The following KCTD20 variants were observed in gnomAD, a reference collection of about 807,000 sequenced individuals.
KCTD20 encodes the protein potassium channel tetramerization domain containing 20.
In KCTD20, 30 loss-of-function variants were observed where a neutral mutation model predicts 39.6. The ratio of observed to expected loss-of-function variants is 0.76; its 90% CI spans 0.57 to 1.03. KCTD20 has a LOEUF of 1.03. Ranked by LOEUF, KCTD20 falls within the 50% of genes least tolerant of loss-of-function variation. The probability of loss-of-function intolerance (pLI) is 0.00; values close to 1 mark genes in which losing one functional copy is unlikely to be tolerated. For synonymous variants in KCTD20, 162 were observed against 180.6 expected (o/e 0.90, Z 0.83); for missense variants, 422 against 522.0 (o/e 0.81, Z 1.87).
rs766971663 is a variant in KCTD20 at position 36,479,215 on chromosome 6, A to G, written c.529A>G (p.Thr177Ala). 1.4e-5 allele frequency: 22 copies of G among 1,611,838 alleles called. No homozygotes were observed. The highest frequency in any genetic ancestry group is 1.7e-5 in the Non-Finnish European group (20 of 1,178,102). The stretch of plus-strand genomic sequence containing the variant: ...AGGCATCAGTGCAACTGTATTTCGC[A>G]CAGTGCTGGTGTGTGGTAGCCTTTT... ...AEGISATVFRTVLDYYKTGII... is the reference protein window; with the variant it reads ...AEGISATVFRAVLDYYKTGII... The change falls in exon 4 of 8, where the codon ACA becomes GCA. Residue 177 changes from threonine (T) to alanine (A), a missense_variant. Transcript: ENST00000373731.
intron 3 of KCTD20, among the ~76,000 whole-genome samples, chr6:36,477,901 C>G (rs1582360781): frequency 6.6e-6 from 1 of 150,568 alleles, no homozygotes; most frequent in Admixed American, 6.6e-5. Context: ...GTCAGGAGAT[C>G]GAGACCACGA....
Position 36,487,786 on chromosome 6 carries a change from C to CGG in KCTD20, c.*611_*612insGG, listed in dbSNP as rs1776471546. On this transcript the variant is annotated 3_prime_UTR_variant, in exon 8 of 8. Coordinates refer to ENST00000373731, the MANE Select transcript of KCTD20 (RefSeq NM_173562.5). ...TGTCTCATTAATGCAGTGAACAATT[C>CGG]AAAACCACACAGATTCCTTGGCAGG... 1 of 152,188 alleles carries CGG rather than the reference C, an allele frequency of 6.6e-6. No homozygotes were observed. The highest frequency in any genetic ancestry group is 2.4e-5 in the African/African-American group (1 of 41,420). The allele number at this position is 152,188 out of a possible 1,614,324, so 9.4% of individuals were successfully genotyped here.
At chr6:36,443,761 G>A (rs1040188941) in intron 1 of KCTD20, 3 of 152,180 alleles carry the variant, frequency 2.0e-5, no homozygotes, top group African/African-American at 7.2e-5. Context: ...TGCACTATGA[G>A]AAAACTCTTC....
intron 1 of KCTD20, among the ~76,000 whole-genome samples, chr6:36,460,259 T>C (rs1350415122): frequency 6.6e-6 from 1 of 152,166 alleles, no homozygotes; most frequent in Non-Finnish European, 1.5e-5. Flanking sequence ...TAGAATTCCA[T>C]CTAACCAGTA....
At chr6:36,483,118 CAAA>C (rs767686820) in intron 6 of KCTD20, among the ~76,000 whole-genome samples, 7,905 of 108,212 alleles carry the variant, frequency 0.073, 324 homozygotes, top group South Asian at 0.18. Context: ...GACTCCGTTT[CAAA>C]AAAAAAAAAA....
chr6:36,454,408 C>G (rs1037469353), intron 1 of KCTD20, among the ~76,000 whole-genome samples: 7 of 150,320 alleles, frequency 4.7e-5, no homozygotes, highest in Non-Finnish European at 1.0e-4. Flanking sequence ...GTGGCGTGAT[C>G]TCAGCTCACT....
rs917865488 is a variant in KCTD20 at position 36,488,884 on chromosome 6, T to C, written c.*1709T>C. 1 of 152,676 alleles carries C rather than the reference T, an allele frequency of 6.5e-6. No homozygotes were observed. The highest frequency in any genetic ancestry group is 2.4e-5 in the African/African-American group (1 of 41,466). 9.5% of individuals were successfully genotyped at this position (152,676 alleles called of 1,614,324 possible). A position where few individuals can be genotyped will look rare whatever the true frequency, so the allele number is the denominator to read the frequency against. ...ATTAATGCTCTGTTCTTCACTAGAA[T>C]GTAGTAAGTGGTTAAACTGAGCTAT... On this transcript the variant is annotated 3_prime_UTR_variant, in exon 8 of 8. Transcript: ENST00000373731.
At chr6:36,446,505 G>A (rs1015891098) in intron 1 of KCTD20, among the ~76,000 whole-genome samples, 22 of 152,290 alleles carry the variant, frequency 1.4e-4, no homozygotes, top group South Asian at 6.2e-4. Flanking sequence ...TAAGACTGAT[G>A]GCTAGGTGTG....
At chr6:36,477,909 C>T (rs1357655022) in intron 3 of KCTD20, among the ~76,000 whole-genome samples, 1 of 150,542 alleles carries the variant, frequency 6.6e-6, no homozygotes, top group African/African-American at 2.4e-5. Flanking sequence ...ATCGAGACCA[C>T]GATGAAACCC....
At chr6:36,479,757 T>G (rs747180317) in intron 5 of KCTD20, 46 bp downstream of exon 5, 3 of 1,413,530 alleles carry the variant, frequency 2.1e-6, no homozygotes, top group Non-Finnish European at 1.9e-6. Flanking sequence ...AGCTGAACTT[T>G]CAGTTTTCTT....
rs1776444713 is a variant in KCTD20 at position 36,487,036 on chromosome 6, C to A, written c.1121C>A (p.Ser374Tyr). 1 of 1,614,214 alleles carries A rather than the reference C, an allele frequency of 6.2e-7. No individual in the cohort carries two copies. Among genetic ancestry groups the A allele is most frequent in the East Asian group, 2.2e-5 (1 of 44,882 alleles). Residue 374 changes from serine (S) to tyrosine (Y), a missense_variant, in exon 8 of 8, where the codon TCC (serine) becomes TAC (tyrosine). Ser to Tyr is a moderately radical substitution (Grantham distance 144). Transcript: ENST00000373731. ...HVDFQCVRSK[S>Y]LTNLVAAGDD... ...GATTTCCAGTGTGTTCGAAGCAAAT[C>A]CCTCACGAATCTGGTAGCTGCTGGA...
intron 2 of KCTD20, among the ~76,000 whole-genome samples, chr6:36,471,652 A>G (rs1775913022): frequency 6.6e-6 from 1 of 152,146 alleles, no homozygotes; most frequent in Non-Finnish European, 1.5e-5. Context: ...ACTGACAGAA[A>G]AGCCTATGAC....
intron 3 of KCTD20, among the ~76,000 whole-genome samples, chr6:36,476,189 T>C (rs1776057241): frequency 6.6e-6 from 1 of 152,070 alleles, no homozygotes; most frequent in Admixed American, 6.5e-5. Flanking sequence ...GAAGAGCAAA[T>C]TGGGATAAGA....
rs995021763 is a variant in KCTD20 at position 36,488,588 on chromosome 6, A to C, written c.*1413A>C. ...CCAGAAAGGTTTCAGATTTTTTCAG[A>C]TTTTGGAATACTTAACAGTTGAGCA... On this transcript the variant is annotated 3_prime_UTR_variant, in exon 8 of 8. Transcript: ENST00000373731. The C allele has an allele frequency of 6.6e-6, 1 of 152,146 alleles. No individual in the cohort carries two copies. The allele number at this position is 152,146 out of a possible 1,614,324, so 9.4% of individuals were successfully genotyped here.
intron 1 of KCTD20, among the ~76,000 whole-genome samples, chr6:36,454,254 C>T (rs1385312876): frequency 6.6e-6 from 1 of 152,160 alleles, no homozygotes; most frequent in Non-Finnish European, 1.5e-5. Flanking sequence ...TTTATTAGAA[C>T]ACAGCCATGC....
intron 5 of KCTD20, among the ~76,000 whole-genome samples, chr6:36,480,893 C>CG (rs1776225079): frequency 6.6e-6 from 1 of 152,184 alleles, no homozygotes; most frequent in Non-Finnish European, 1.5e-5. Flanking sequence ...TTTATAGATA[C>CG]GGACTTGCTT....
rs1195191269 is a variant in KCTD20, at chr6:36,479,666, C to G, written c.613C>G (p.Leu205Val). ...AGATCTTAGAGATACTTGTGATTATCTCTGCATTAATTTTGACTTCAACAC... is the reference window on the plus strand; with the variant it reads ...AGATCTTAGAGATACTTGTGATTATGTCTGCATTAATTTTGACTTCAACAC... ...IPDLRDTCDY[L>V]CINFDFNTIR... Residue 205 changes from leucine to valine, a missense_variant, in exon 5 of 8, where the codon CTC (leucine) becomes GTC (valine). By Grantham distance (32) the Leu-to-Val change is conservative. Transcript: ENST00000373731. The G allele has an allele frequency of 6.2e-7, 1 of 1,610,044 alleles. No individual in the cohort carries two copies. The highest frequency in any genetic ancestry group is 1.7e-5 in the Admixed American group (1 of 59,918).
chr6:36,479,779 ATTTTTTTTTTTTTT>A (rs58609674), intron 5 of KCTD20, 68 bp downstream of exon 5: 93 of 268,372 alleles, frequency 3.5e-4, no homozygotes, highest in African/African-American at 2.2e-3. Flanking sequence ...GAAGTCACCG[ATTTTTTTTTTTTTT>A]TTTTTTTTTT....
chr6:36,490,194 AAG>A lies in KCTD20; in HGVS notation c.*3020_*3021del, dbSNP rs1204927124. 3 of 150,530 alleles carry A rather than the reference AAG, an allele frequency of 2.0e-5. No individual in the cohort carries two copies. The highest frequency in any genetic ancestry group is 4.4e-5 in the Non-Finnish European group (3 of 67,788). 9.3% of individuals were successfully genotyped at this position (150,530 alleles called of 1,614,324 possible). A position where few individuals can be genotyped will look rare whatever the true frequency, so the allele number is the denominator to read the frequency against. On this transcript the variant is annotated 3_prime_UTR_variant, in exon 8 of 8. Coordinates refer to ENST00000373731, the MANE Select transcript of KCTD20 (RefSeq NM_173562.5). ...ACAGGCTTTAATGTAAACTGTCAAA[AAG>A]TGGGATGTGGAGGATTTTTGTTAAG... is the stretch of plus-strand genomic sequence containing the variant.
Sources: gnomAD v4.1 joint callset for allele counts (sites outside exome capture counted in the v4.1 genomes callset) on GRCh38, gnomAD v4.1.1 for gene constraint, MANE v1.5 for transcripts, NCBI Gene and HGNC (gene_info 2026-07-23, HGNC 2026-07-21) for gene names.